Variants in NCAM2 observed in about 807,000 individuals in gnomAD.
NCAM2 encodes the protein N-CAM-2.
A neutral mutation model predicts 98.1 loss-of-function variants in NCAM2; 30 were observed. That is an observed-to-expected ratio of 0.31 (90% CI 0.23 to 0.41). The LOEUF is 0.41. Ranked by LOEUF, NCAM2 falls within the 10% of genes least tolerant of loss-of-function variation. The probability of loss-of-function intolerance (pLI) is 1.00; values close to 1 mark genes in which losing one functional copy is unlikely to be tolerated. For missense variants in NCAM2, 867 were observed against 1,005.8 expected (o/e 0.86, Z 1.87); for synonymous variants, 368 against 342.4 (o/e 1.07, Z -0.83).
intron 1 of NCAM2, among the ~76,000 whole-genome samples, chr21:21,043,850 CAAAAAAAA>C: frequency 8.3e-6 from 1 of 119,970 alleles, no homozygotes; most frequent in Non-Finnish European, 1.7e-5. Context: ...GAGACTCCGT[CAAAAAAAA>C]AAAAAAAAAG....
intron 1 of NCAM2, among the ~76,000 whole-genome samples, chr21:21,028,847 T>G (rs1345936226): frequency 6.6e-6 from 1 of 152,182 alleles, no homozygotes; most frequent in Non-Finnish European, 1.5e-5. Context: ...AAAACAAGTG[T>G]ATTTGGGGTG....
chr21:21,290,006 G>A (rs559386498), intron 4 of NCAM2: 4 of 151,958 alleles, frequency 2.6e-5, no homozygotes, highest in Admixed American at 2.6e-4. Flanking sequence ...TGGGTCTGCA[G>A]ACTCAGAGAG....
intron 1 of NCAM2, among the ~76,000 whole-genome samples, chr21:21,096,411 A>G (rs1300276950): frequency 2.0e-5 from 3 of 151,764 alleles, no homozygotes; most frequent in African/African-American, 7.2e-5. Flanking sequence ...AAAACTTACA[A>G]TTGTTCTGTG....
intron 2 of NCAM2, among the ~76,000 whole-genome samples, chr21:21,282,326 C>A (rs2072958211): frequency 6.6e-6 from 1 of 151,816 alleles, no homozygotes; most frequent in African/African-American, 2.4e-5. Context: ...GTATGTATTG[C>A]ATAGCTCAAA....
intron 10 of NCAM2, among the ~76,000 whole-genome samples, chr21:21,411,437 TTTTG>T (rs1007232467): frequency 3.3e-5 from 5 of 151,682 alleles, no homozygotes; most frequent in African/African-American, 9.7e-5. Flanking sequence ...GTTCAGTATC[TTTTG>T]TTTTATTACT....
At chr21:21,165,607 G>A (rs1037495063) in intron 1 of NCAM2, among the ~76,000 whole-genome samples, 34 of 152,228 alleles carry the variant, frequency 2.2e-4, no homozygotes, top group African/African-American at 7.2e-4. Flanking sequence ...GCAGAGTTGG[G>A]GTAACCGAGG....
At chr21:21,378,930 T>G (rs1265224013) in intron 9 of NCAM2, among the ~76,000 whole-genome samples, 3 of 151,688 alleles carry the variant, frequency 2.0e-5, no homozygotes, top group Non-Finnish European at 3.0e-5. Context: ...TTATTAAATT[T>G]ATCAAACTGG....
At chr21:21,013,200 C>T (rs1051476519) in intron 1 of NCAM2, among the ~76,000 whole-genome samples, 2 of 152,142 alleles carry the variant, frequency 1.3e-5, no homozygotes, top group Non-Finnish European at 2.9e-5. Flanking sequence ...AAAGCTAGGC[C>T]TCCTGTGCCG....
At chr21:21,331,578 T>TATAGAGAGAGAGAGAG (rs1444969281) in intron 6 of NCAM2, among the ~76,000 whole-genome samples, 2 of 2,148 alleles carry the variant, frequency 9.3e-4, no homozygotes, top group Non-Finnish European at 9.0e-3. Context: ...CATATATATA[T>TATAGAGAGAGAGAGAG]AGAGAGAGAG....
chr21:21,136,750 G>T (rs1245739727), intron 1 of NCAM2, among the ~76,000 whole-genome samples: 1 of 151,762 alleles, frequency 6.6e-6, no homozygotes, highest in East Asian at 1.9e-4. Flanking sequence ...TTACAAGCAT[G>T]AGCCCGGCCC....
At chr21:21,178,584 GA>G (rs2068368626) in intron 1 of NCAM2, among the ~76,000 whole-genome samples, 1 of 151,962 alleles carries the variant, frequency 6.6e-6, no homozygotes, top group South Asian at 2.1e-4. Context: ...GCCAGACACT[GA>G]GGTGGAAAGA....
At chr21:21,183,261 A>G (rs2068536266) in intron 1 of NCAM2, among the ~76,000 whole-genome samples, 1 of 152,190 alleles carries the variant, frequency 6.6e-6, no homozygotes, top group Non-Finnish European at 1.5e-5. Flanking sequence ...CCTGGGTCAC[A>G]TAACTGATAC....
At chr21:21,076,366 G>A (rs8127961) in intron 1 of NCAM2, among the ~76,000 whole-genome samples, 5,645 of 152,162 alleles carry the variant, frequency 0.037, 328 homozygotes, top group African/African-American at 0.13. Flanking sequence ...TGCTTTGCTA[G>A]GTAATTATTT....
intron 1 of NCAM2, among the ~76,000 whole-genome samples, chr21:21,066,087 C>T (rs1354922887): frequency 6.6e-6 from 1 of 152,076 alleles, no homozygotes; most frequent in East Asian, 1.9e-4. Context: ...GACACAAGGA[C>T]GATACTTCTT....
chr21:21,368,198 T>C (rs1244369903), intron 8 of NCAM2, among the ~76,000 whole-genome samples: 2 of 152,030 alleles, frequency 1.3e-5, no homozygotes, highest in Admixed American at 6.6e-5. Context: ...TATAATTTTA[T>C]GTAGAGGTAA....
chr21:21,508,825 T>A (rs1231834814), intron 15 of NCAM2, 26 bp from the exon 16 acceptor site: 1 of 1,031,520 alleles, frequency 9.7e-7, no homozygotes, highest in Non-Finnish European at 1.2e-6. Flanking sequence ...TTTTTTTTTT[T>A]TTTTTTTTTT....
chr21:21,048,664 G>C (rs6518056), intron 1 of NCAM2, among the ~76,000 whole-genome samples: 1 of 152,130 alleles, frequency 6.6e-6, no homozygotes, highest in Non-Finnish European at 1.5e-5. Context: ...TGTATTCCTT[G>C]AATGTATTTG....
intron 6 of NCAM2, among the ~76,000 whole-genome samples, chr21:21,331,938 T>C (rs2074721304): frequency 6.6e-6 from 1 of 151,330 alleles, no homozygotes; most frequent in African/African-American, 2.4e-5. Context: ...AGTCTAGCCC[T>C]GTCGTCCAGG....
chr21:21,164,286 G>T (rs201792865), intron 1 of NCAM2, among the ~76,000 whole-genome samples: 1 of 152,250 alleles, frequency 6.6e-6, no homozygotes, highest in Admixed American at 6.5e-5. Context: ...CTTGAAAATA[G>T]AGTATTACAA....
Sources: gnomAD v4.1 joint callset for allele counts (sites outside exome capture counted in the v4.1 genomes callset) on GRCh38, gnomAD v4.1.1 for gene constraint, MANE v1.5 for transcripts, NCBI Gene and HGNC (gene_info 2026-07-23, HGNC 2026-07-21) for gene names.